USP49: variants seen among roughly 807,000 people sequenced by gnomAD.
USP49 encodes ubiquitin carboxyl-terminal hydrolase 49.
In USP49, 24 loss-of-function variants were observed where a neutral mutation model predicts 58.6. That is an observed-to-expected ratio of 0.41 (90% CI 0.30 to 0.58). USP49 has a LOEUF of 0.58. Among genes scored for constraint, USP49 ranks in the 20% least tolerant of loss-of-function variants. The pLI, the probability that USP49 is intolerant of heterozygous loss-of-function variation, is 0.30. For missense variants in USP49, 703 were observed against 866.1 expected (o/e 0.81, Z 2.36); for synonymous variants, 408 against 365.1 (o/e 1.12, Z -1.34).
At chr6:41,854,675 T>C (rs906381328) in intron 3 of USP49, among the ~76,000 whole-genome samples, 3 of 152,218 alleles carry the variant, frequency 2.0e-5, no homozygotes, top group Non-Finnish European at 2.9e-5. Flanking sequence ...TGTGTGTGCA[T>C]GTAAGTGTAC....
intron 4 of USP49, among the ~76,000 whole-genome samples, chr6:41,804,833 C>T (rs1428863730): frequency 6.6e-6 from 1 of 152,230 alleles, no homozygotes; most frequent in African/African-American, 2.4e-5. Flanking sequence ...ACCGCAACCT[C>T]CGCCTCCTGG....
chr6:41,841,828 G>A (rs557921613), intron 3 of USP49, among the ~76,000 whole-genome samples: 1 of 152,246 alleles, frequency 6.6e-6, no homozygotes, highest in African/African-American at 2.4e-5. Context: ...AGGCCAAAGG[G>A]GGTGGATTAC....
intron 3 of USP49, chr6:41,832,707 G>A (rs1773656275): frequency 6.6e-6 from 1 of 152,158 alleles, no homozygotes; most frequent in African/African-American, 2.4e-5. Context: ...AAAATTTTCT[G>A]AGCACTCGCC....
At chr6:41,883,262 G>A (rs1051169578) in intron 2 of USP49, among the ~76,000 whole-genome samples, 1 of 150,686 alleles carries the variant, frequency 6.6e-6, no homozygotes, top group Non-Finnish European at 1.5e-5. Flanking sequence ...GCTGAGGCAG[G>A]AGAATTGCTT....
chr6:41,882,979 A>G (rs1774639074), intron 2 of USP49, among the ~76,000 whole-genome samples: 2 of 152,088 alleles, frequency 1.3e-5, no homozygotes, highest in Admixed American at 6.6e-5. Flanking sequence ...CCAGAAGATG[A>G]TATTTATATG....
At chr6:41,853,296 T>C (rs761992254) in intron 3 of USP49, among the ~76,000 whole-genome samples, 4 of 152,180 alleles carry the variant, frequency 2.6e-5, no homozygotes, top group Admixed American at 6.5e-5. Flanking sequence ...AAATACTGTA[T>C]GATTCCATTT....
chr6:41,861,825 A>G (rs1299589111), intron 3 of USP49, among the ~76,000 whole-genome samples: 1 of 151,858 alleles, frequency 6.6e-6, no homozygotes, highest in East Asian at 1.9e-4. Flanking sequence ...CAGCCTCCCA[A>G]GTAGCTGGGA....
At chr6:41,885,960 G>T (rs193291349) in intron 2 of USP49, among the ~76,000 whole-genome samples, 297 of 152,324 alleles carry the variant, frequency 1.9e-3, no homozygotes, top group Middle Eastern at 6.8e-3. Flanking sequence ...CCTTTCACTT[G>T]AAATGCATTG....
intron 2 of USP49, chr6:41,886,406 A>G (rs1461043096): frequency 6.6e-6 from 1 of 152,244 alleles, no homozygotes; most frequent in Non-Finnish European, 1.5e-5. Flanking sequence ...TTAAGCTATT[A>G]GCAATGACGG....
At chr6:41,799,627 G>A (rs1252804352) in intron 6 of USP49, among the ~76,000 whole-genome samples, 1 of 152,196 alleles carries the variant, frequency 6.6e-6, no homozygotes, top group Non-Finnish European at 1.5e-5. Context: ...ACAGGAGCAT[G>A]AGAGCAAAAG....
rs994862323 is a variant in USP49, at chr6:41,794,611, G to A, written c.*1922C>T. ...TTACTAATCATGCCGACTTAAAAAC[G>A]TGGATCTTGAGAGTACAGCTTCACA... On this transcript the variant is annotated 3_prime_UTR_variant, in exon 8 of 8. Transcript: ENST00000682992. 3 of 152,056 alleles carry A rather than the reference G, an allele frequency of 2.0e-5. No individual in the cohort carries two copies. The highest frequency in any genetic ancestry group is 1.9e-4 in the East Asian group (1 of 5,194). 9.4% of individuals were successfully genotyped at this position (152,056 alleles called of 1,614,324 possible).
chr6:41,817,457 C>CTTTT (rs58559695), intron 3 of USP49, among the ~76,000 whole-genome samples: 1 of 74,778 alleles, frequency 1.3e-5, no homozygotes, highest in Non-Finnish European at 2.5e-5. Flanking sequence ...TTCTTTCTTT[C>CTTTT]TTTTTTTTTT....
chr6:41,854,572 T>C (rs1774092264), intron 3 of USP49, among the ~76,000 whole-genome samples: 1 of 152,174 alleles, frequency 6.6e-6, no homozygotes, highest in Non-Finnish European at 1.5e-5. Context: ...GGTTTCTTTA[T>C]TAAGAGATTA....
chr6:41,810,547 CCTCT>C (rs1461110303), intron 3 of USP49, among the ~76,000 whole-genome samples: 1 of 43,308 alleles, frequency 2.3e-5, no homozygotes, highest in Non-Finnish European at 4.2e-5. Flanking sequence ...AAAGATAGTT[CCTCT>C]TTTTTTTTTT....
chr6:41,831,009 C>G (rs1773623585), intron 3 of USP49, among the ~76,000 whole-genome samples: 2 of 151,898 alleles, frequency 1.3e-5, no homozygotes, highest in Admixed American at 1.3e-4. Context: ...GTAATCCCAG[C>G]ACTTTGGGAG....
intron 3 of USP49, among the ~76,000 whole-genome samples, chr6:41,816,702 CTAT>C (rs10631115): frequency 4.0e-5 from 6 of 149,526 alleles, no homozygotes; most frequent in African/African-American, 1.2e-4. Flanking sequence ...GTTCCACACT[CTAT>C]TATTATTATT....
intron 3 of USP49, among the ~76,000 whole-genome samples, chr6:41,856,699 CCA>C (rs1774138233): frequency 6.6e-6 from 1 of 152,132 alleles, no homozygotes; most frequent in African/African-American, 2.4e-5. Flanking sequence ...CCTCCCTTAT[CCA>C]CAGTTTTGCT....
intron 3 of USP49, among the ~76,000 whole-genome samples, chr6:41,840,872 G>C (rs1262549149): frequency 6.6e-6 from 1 of 151,702 alleles, no homozygotes; most frequent in Non-Finnish European, 1.5e-5. Flanking sequence ...TTAAATATTG[G>C]CCTGGCAGAG....
chr6:41,802,460 A>ATTTATTTT (rs1773031001), intron 5 of USP49, among the ~76,000 whole-genome samples: 1 of 71,398 alleles, frequency 1.4e-5, no homozygotes, highest in Non-Finnish European at 2.7e-5. Context: ...TTATTTATTT[A>ATTTATTTT]TTTATTTATT....
Sources: gnomAD v4.1 joint callset for allele counts (sites outside exome capture counted in the v4.1 genomes callset) on GRCh38, gnomAD v4.1.1 for gene constraint, MANE v1.5 for transcripts, NCBI Gene and HGNC (gene_info 2026-07-23, HGNC 2026-07-21) for gene names.